TPP2: variants seen among roughly 807,000 people sequenced by gnomAD.
TPP2 encodes tripeptidyl-peptidase 2.
A neutral mutation model predicts 155.9 loss-of-function variants in TPP2; 34 were observed. The observed-to-expected ratio is 0.22, with a 90% CI of 0.17 to 0.29. The LOEUF is 0.29. Ranked by LOEUF, TPP2 falls within the 10% of genes least tolerant of loss-of-function variation. The pLI is 1.00. For missense variants in TPP2, 1,028 were observed against 1,522.3 expected, an observed-to-expected ratio of 0.68 and a Z score of 5.40; for synonymous variants, 510 against 529.4, an observed-to-expected ratio of 0.96 and a Z score of 0.50.
intron 2 of TPP2, among the ~76,000 whole-genome samples, chr13:102,613,016 A>G (rs1880442138): frequency 6.6e-6 from 1 of 152,158 alleles, no homozygotes. Flanking sequence ...GCAGTGCTTT[A>G]TTGTTTTGCC....
At chr13:102,610,328 C>T (rs1880187351) in intron 2 of TPP2, among the ~76,000 whole-genome samples, 1 of 151,650 alleles carries the variant, frequency 6.6e-6, no homozygotes, top group Admixed American at 6.6e-5. Flanking sequence ...TCCTGGGTTC[C>T]AGCAATTTTC....
chr13:102,639,933 T>A (rs1325702052), intron 15 of TPP2, among the ~76,000 whole-genome samples: 2 of 152,254 alleles, frequency 1.3e-5, no homozygotes, highest in Non-Finnish European at 2.9e-5. Context: ...TATCTAGGAC[T>A]CACTGTAGTT....
intron 6 of TPP2, among the ~76,000 whole-genome samples, chr13:102,623,634 T>A (rs1881334670): frequency 6.6e-6 from 1 of 152,162 alleles, no homozygotes; most frequent in South Asian, 2.1e-4. Flanking sequence ...TCTTGAGAAA[T>A]TCACCCATGA....
chr13:102,661,645 T>C (rs998492781), intron 25 of TPP2, among the ~76,000 whole-genome samples: 2 of 152,216 alleles, frequency 1.3e-5, no homozygotes, highest in African/African-American at 4.8e-5. Context: ...TCTATAAAGA[T>C]GTACAAATGA....
intron 5 of TPP2, among the ~76,000 whole-genome samples, chr13:102,622,614 C>A (rs1881244150): frequency 6.6e-6 from 1 of 152,170 alleles, no homozygotes; most frequent in Admixed American, 6.5e-5. Flanking sequence ...TCTTAAGAGT[C>A]CAGGTGGTTT....
At chr13:102,611,325 GTGTT>G (rs1280206190) in intron 2 of TPP2, among the ~76,000 whole-genome samples, 2 of 152,160 alleles carry the variant, frequency 1.3e-5, no homozygotes, top group Non-Finnish European at 2.9e-5. Flanking sequence ...TTCCAAGTGC[GTGTT>G]TGTTTGTTTT....
chr13:102,676,536 A>C (rs1419217257), intron 29 of TPP2, 121 bp downstream of exon 29: 1 of 1,186,892 alleles, frequency 8.4e-7, no homozygotes, highest in East Asian at 2.6e-5. Flanking sequence ...CAGTTATTAC[A>C]GTAATTAGCG....
intron 6 of TPP2, among the ~76,000 whole-genome samples, chr13:102,626,099 C>A (rs1280017591): frequency 1.3e-5 from 2 of 152,170 alleles, no homozygotes; most frequent in East Asian, 1.9e-4. Context: ...TCCCATCATG[C>A]CCCTTCCTAA....
intron 24 of TPP2, among the ~76,000 whole-genome samples, chr13:102,652,701 C>T (rs1414098057): frequency 1.3e-5 from 2 of 151,894 alleles, no homozygotes; most frequent in Non-Finnish European, 2.9e-5. Context: ...AAACAAAATA[C>T]AGATACTAGG....
chr13:102,614,606 T>C (rs1401585197), intron 3 of TPP2, among the ~76,000 whole-genome samples: 1 of 152,212 alleles, frequency 6.6e-6, no homozygotes, highest in Non-Finnish European at 1.5e-5. Context: ...CTCCCCTGTT[T>C]AACTAGCCTT....
chr13:102,663,924 G>C (rs1219369255), intron 26 of TPP2, among the ~76,000 whole-genome samples, 180 bp downstream of exon 26: 1 of 152,226 alleles, frequency 6.6e-6, no homozygotes, highest in Non-Finnish European at 1.5e-5. Flanking sequence ...ACTACTGTGA[G>C]TTTAGTTTAG....
intron 6 of TPP2, among the ~76,000 whole-genome samples, chr13:102,625,323 C>T (rs1029930354): frequency 5.9e-5 from 9 of 151,554 alleles, no homozygotes; most frequent in Admixed American, 5.9e-4. Context: ...CACTACCATG[C>T]CCGGCTAATT....
At chr13:102,647,179 C>G (rs1883166325) in intron 20 of TPP2, 28 bp from the exon 21 acceptor site, 1 of 1,565,726 alleles carries the variant, frequency 6.4e-7, no homozygotes, top group Non-Finnish European at 8.7e-7. Flanking sequence ...GCAAATCATG[C>G]CAAGTAATCT....
Position 102,629,542 on chromosome 13 carries a change from T to C in TPP2, c.1077T>C (p.Ser359=), listed in dbSNP as rs747301024. Residue 359 remains serine (S), a synonymous_variant, in exon 9 of 30, where the codon AGT becomes AGC. Transcript: ENST00000376052. ...AGCATAATATAATTTATGTTTCAAG[T>C]GCTGGAAATAATGGTCCATGCCTGT... ...VWKHNIIYVS[S]AGNNGPCLST... 2.6e-6 allele frequency: 4 copies of C among 1,542,968 alleles called. No individual in the cohort carries two copies. In the South Asian group the frequency reaches 5.1e-5, roughly 20 times the overall value.
intron 2 of TPP2, among the ~76,000 whole-genome samples, chr13:102,611,567 A>G (rs1329516895): frequency 2.0e-5 from 3 of 152,090 alleles, no homozygotes. Context: ...CCCAGCTACT[A>G]GGGAGGCTGA....
At chr13:102,667,792 C>A in intron 27 of TPP2, 1 of 985,488 alleles carries the variant, frequency 1.0e-6, no homozygotes, top group Non-Finnish European at 1.2e-6. Context: ...TCCAGCCCTT[C>A]TCTGGGCAGC....
Position 102,644,587 on chromosome 13 carries a change from C to T in TPP2, c.2206C>T (p.Arg736Cys), listed in dbSNP as rs1882980595. The stretch of plus-strand genomic sequence containing the variant: ...AAAAGCAATTGAATTTTGCATTGCT[C>T]GTTGGTGGGCAAGTCTCAGTGATGT... The part of the protein sequence containing the change: ...GGKAIEFCIA[R>C]WWASLSDVNI... The change falls in exon 18 of 30, where the codon CGT becomes TGT. Residue 736 changes from arginine to cysteine, a missense_variant. Physicochemically the swap from Arg to Cys is radical, Grantham distance 180. Around this residue, in one of 7 missense-constraint regions of TPP2, gnomAD observed 325 missense variants for 463.7 expected, o/e 0.70. Transcript: ENST00000376052. 4 of 1,611,200 alleles carry T rather than the reference C, an allele frequency of 2.5e-6. No individual in the cohort carries two copies. The highest frequency in any genetic ancestry group is 1.7e-5 in the Admixed American group (1 of 59,680).
At chr13:102,616,370 G>A (rs1456480965) in intron 3 of TPP2, 26 bp from the exon 4 acceptor site, 1 of 1,583,820 alleles carries the variant, frequency 6.3e-7, no homozygotes, top group South Asian at 1.1e-5. Context: ...CAGCCTAATT[G>A]TAAGGTAATT....
At chr13:102,625,764 G>A (rs1336946616) in intron 6 of TPP2, among the ~76,000 whole-genome samples, 1 of 152,224 alleles carries the variant, frequency 6.6e-6, no homozygotes, top group Non-Finnish European at 1.5e-5. Context: ...TGCAGACCCT[G>A]TTTCAAAGCC....
Sources: allele counts gnomAD v4.1 joint callset (sites outside exome capture counted in the v4.1 genomes callset), GRCh38; gene constraint gnomAD v4.1.1; regional missense constraint gnomAD v4.1.1; transcripts MANE v1.5; gene names NCBI Gene and HGNC (gene_info 2026-07-23, HGNC 2026-07-21).